PAPPA2: variants seen among roughly 807,000 people sequenced by gnomAD.
PAPPA2 encodes pappalysin 2, also known as pappalysin-2.
In PAPPA2, 86 loss-of-function variants were observed where a neutral mutation model predicts 176.4. That is an observed-to-expected ratio of 0.49 (90% CI 0.41 to 0.58). PAPPA2 has a LOEUF of 0.58. Ranked by LOEUF, PAPPA2 falls within the 20% of genes least tolerant of loss-of-function variation. The pLI, the probability that PAPPA2 is intolerant of heterozygous loss-of-function variation, is 0.00. For synonymous variants in PAPPA2, 809 were observed against 852.2 expected, an observed-to-expected ratio of 0.95 and a Z score of 0.88; for missense variants, 2,073 against 2,256.9, an observed-to-expected ratio of 0.92 and a Z score of 1.65.
At chr1:176,794,170 G>C (rs1665319326) in intron 20 of PAPPA2, among the ~76,000 whole-genome samples, 1 of 152,152 alleles carries the variant, frequency 6.6e-6, no homozygotes, top group South Asian at 2.1e-4. Context: ...TTTATTAAAG[G>C]AAGAATTTCT....
chr1:176,569,509 A>G (rs1652192274), intron 2 of PAPPA2, among the ~76,000 whole-genome samples: 2 of 152,262 alleles, frequency 1.3e-5, no homozygotes, highest in Non-Finnish European at 2.9e-5. Flanking sequence ...AGACACTAAG[A>G]GAAACCTACC....
chr1:176,835,986 G>A (rs947323281), intron 21 of PAPPA2, among the ~76,000 whole-genome samples: 12 of 152,090 alleles, frequency 7.9e-5, no homozygotes, highest in African/African-American at 2.9e-4. Flanking sequence ...GGATATGTGG[G>A]CACAATAAGG....
chr1:176,537,993 T>TTC (rs1650159049), intron 1 of PAPPA2, among the ~76,000 whole-genome samples: 1 of 151,956 alleles, frequency 6.6e-6, no homozygotes, highest in Admixed American at 6.6e-5. Flanking sequence ...TTCTCTCTCT[T>TTC]TCTCTCTCTC....
chr1:176,477,857 T>C (rs981799116), intron 1 of PAPPA2, among the ~76,000 whole-genome samples: 4 of 152,168 alleles, frequency 2.6e-5, no homozygotes, highest in African/African-American at 9.7e-5. Context: ...GCTCAACCCA[T>C]TATTTGAAAA....
At chr1:176,746,882 G>A (rs1457201744) in intron 14 of PAPPA2, among the ~76,000 whole-genome samples, 1 of 152,144 alleles carries the variant, frequency 6.6e-6, no homozygotes, top group East Asian at 1.9e-4. Flanking sequence ...CTCATTATAT[G>A]TGTAGTGTGT....
chr1:176,497,445 C>G (rs6677088), intron 1 of PAPPA2, among the ~76,000 whole-genome samples: 2 of 152,032 alleles, frequency 1.3e-5, no homozygotes, highest in Non-Finnish European at 2.9e-5. Flanking sequence ...ATGAAAAACT[C>G]GACTCTTAAG....
At chr1:176,718,124 A>G (rs941935187) in intron 12 of PAPPA2, among the ~76,000 whole-genome samples, 3 of 152,200 alleles carry the variant, frequency 2.0e-5, no homozygotes, top group African/African-American at 7.2e-5. Flanking sequence ...AAACAAATGT[A>G]GAGAAATTTA....
At chr1:176,570,085 CT>C (rs1652229240) in intron 2 of PAPPA2, among the ~76,000 whole-genome samples, 1 of 152,174 alleles carries the variant, frequency 6.6e-6, no homozygotes, top group South Asian at 2.1e-4. Context: ...TCTAGGTTGT[CT>C]TTTTCTCATT....
At chr1:176,729,963 A>ATT (rs200059557) in intron 12 of PAPPA2, among the ~76,000 whole-genome samples, 1 of 151,224 alleles carries the variant, frequency 6.6e-6, no homozygotes. Context: ...GCCTTGGTAG[A>ATT]TTTTTCTTTT....
chr1:176,507,136 C>T (rs991821763), intron 1 of PAPPA2, among the ~76,000 whole-genome samples: 7 of 151,810 alleles, frequency 4.6e-5, no homozygotes, highest in Non-Finnish European at 5.9e-5. Context: ...AAGACATGAA[C>T]AGACACTGCT....
At chr1:176,699,759 C>T (rs1489179079) in intron 8 of PAPPA2, among the ~76,000 whole-genome samples, 170 bp downstream of exon 8, 1 of 152,018 alleles carries the variant, frequency 6.6e-6, no homozygotes, top group Non-Finnish European at 1.5e-5. Context: ...AAGCACTTCC[C>T]AGAAAGGGGC....
chr1:176,821,240 A>G (rs1421091363), intron 21 of PAPPA2, among the ~76,000 whole-genome samples: 2 of 152,214 alleles, frequency 1.3e-5, no homozygotes, highest in African/African-American at 4.8e-5. Flanking sequence ...ATATCAAATT[A>G]CTATCCAATG....
chr1:176,561,095 A>G (rs964080155), intron 2 of PAPPA2, among the ~76,000 whole-genome samples: 7 of 151,684 alleles, frequency 4.6e-5, no homozygotes, highest in African/African-American at 1.7e-4. Context: ...AGGCAGGCCA[A>G]CCTGGCAACA....
At chr1:176,649,392 T>TA (rs1353011530) in intron 3 of PAPPA2, among the ~76,000 whole-genome samples, 1 of 151,210 alleles carries the variant, frequency 6.6e-6, no homozygotes, top group Non-Finnish European at 1.5e-5. Context: ...TGTTTTTTTT[T>TA]TGTTTTTCTT....
intron 14 of PAPPA2, 31 bp from the exon 15 acceptor site, chr1:176,765,635 T>A: frequency 6.2e-7 from 1 of 1,607,166 alleles, no homozygotes. Flanking sequence ...TCTCAACCAG[T>A]CCTAAGATGG....
At chr1:176,800,995 A>G (rs1264910893) in intron 21 of PAPPA2, among the ~76,000 whole-genome samples, 1 of 152,022 alleles carries the variant, frequency 6.6e-6, no homozygotes, top group Non-Finnish European at 1.5e-5. Context: ...TCAACTTTTA[A>G]ATTGAAGTTA....
chr1:176,673,531 T>C (rs1659126280), intron 4 of PAPPA2, among the ~76,000 whole-genome samples: 1 of 152,102 alleles, frequency 6.6e-6, no homozygotes, highest in Admixed American at 6.6e-5. Context: ...GGTCTATCAA[T>C]AGGAACTGAA....
chr1:176,498,341 C>A (rs995558100), intron 1 of PAPPA2, among the ~76,000 whole-genome samples: 1 of 152,114 alleles, frequency 6.6e-6, no homozygotes, highest in Non-Finnish European at 1.5e-5. Context: ...TCTCCTTAGC[C>A]ACAGAGATTC....
At chr1:176,513,749 A>G (rs989098143) in intron 1 of PAPPA2, among the ~76,000 whole-genome samples, 2 of 152,114 alleles carry the variant, frequency 1.3e-5, no homozygotes, top group African/African-American at 4.8e-5. Flanking sequence ...GAAGCCTCAT[A>G]ATTATTCTCT....
Sources: gnomAD v4.1 joint callset for allele counts (sites outside exome capture counted in the v4.1 genomes callset) on GRCh38, gnomAD v4.1.1 for gene constraint, MANE v1.5 for transcripts, NCBI Gene and HGNC (gene_info 2026-07-23, HGNC 2026-07-21) for gene names.